Variants in ZNF846 observed in about 807,000 individuals in gnomAD.
The protein encoded by ZNF846 is zinc finger protein 420 pseudogene.
Under a neutral mutation model 16.0 loss-of-function variants are expected in ZNF846, and 15 were observed. The ratio of observed to expected loss-of-function variants is 0.94; its 90% CI spans 0.63 to 1.45. ZNF846 has a LOEUF of 1.45. ZNF846 is among the 40% of genes most tolerant of loss of function. ZNF846 has a pLI of 0.00. For missense variants in ZNF846, 714 were observed against 622.3 expected (o/e 1.15, Z -1.57); for synonymous variants, 229 against 212.0 (o/e 1.08, Z -0.70).
At chr19:9,766,595 T>C (rs1437153806) in intron 1 of ZNF846, among the ~76,000 whole-genome samples, 1 of 150,400 alleles carries the variant, frequency 6.6e-6, no homozygotes, top group African/African-American at 2.4e-5. Flanking sequence ...TTTTAAAATG[T>C]AGCTGGGCAT....
At chr19:9,759,096 C>G (rs2045181518) in intron 5 of ZNF846, among the ~76,000 whole-genome samples, 1 of 151,770 alleles carries the variant, frequency 6.6e-6, no homozygotes, top group African/African-American at 2.4e-5. Context: ...CCTCCCAGTT[C>G]AAGGGATTCT....
At chr19:9,761,710 CA>C (rs56126532) in intron 4 of ZNF846, among the ~76,000 whole-genome samples, 1,266 of 110,176 alleles carry the variant, frequency 0.011, 14 homozygotes, top group African/African-American at 0.035. Flanking sequence ...GACTCCATCT[CA>C]AAAAAAAAAA....
At chr19:9,764,686 G>T in intron 2 of ZNF846, 5 of 519,504 alleles carry the variant, frequency 9.6e-6, no homozygotes, top group Non-Finnish European at 1.7e-5. Context: ...TTCTCAACCT[G>T]CCAATCTGCC....
intron 1 of ZNF846, among the ~76,000 whole-genome samples, chr19:9,784,546 A>G (rs1214614771): frequency 1.3e-5 from 2 of 152,210 alleles, no homozygotes; most frequent in Non-Finnish European, 2.9e-5. Flanking sequence ...AGCAGGAGAC[A>G]GATGCTTTCC....
intron 1 of ZNF846, chr19:9,774,757 G>C: frequency 1.3e-6 from 2 of 1,568,320 alleles, no homozygotes; most frequent in South Asian, 1.1e-5. Context: ...AGGTCTGTCT[G>C]TCAGTAATTA....
intron 3 of ZNF846, 29 bp from the exon 4 acceptor site, chr19:9,762,197 G>A: frequency 6.4e-7 from 1 of 1,569,872 alleles, no homozygotes; most frequent in Non-Finnish European, 8.8e-7. Context: ...AAAAGAAGAG[G>A]CCCATGCAAG....
chr19:9,764,168 T>C (rs925940690), intron 2 of ZNF846, among the ~76,000 whole-genome samples: 2 of 152,214 alleles, frequency 1.3e-5, no homozygotes, highest in Admixed American at 1.3e-4. Context: ...CCTGTCCATA[T>C]GGATAAACGC....
chr19:9,759,806 G>T, intron 5 of ZNF846, 54 bp downstream of exon 5: 2 of 1,361,432 alleles, frequency 1.5e-6, no homozygotes, highest in Non-Finnish European at 2.1e-6. Context: ...TAATTTTCAT[G>T]AATATTGTGC....
At chr19:9,763,236 C>A in intron 3 of ZNF846, 46 bp downstream of exon 3, 1 of 1,489,074 alleles carries the variant, frequency 6.7e-7, no homozygotes, top group Non-Finnish European at 9.0e-7. Context: ...ATTTAAGAAA[C>A]ATTGATTTCC....
exon 6 of ZNF846, chr19:9,758,445 G>A: frequency 6.2e-7 from 1 of 1,613,332 alleles, no homozygotes; most frequent in Non-Finnish European, 8.5e-7. Flanking sequence ...CTTAAGGGAT[G>A]ACTGATTAAG....
chr19:9,782,286 G>A (rs895180594), intron 1 of ZNF846, among the ~76,000 whole-genome samples: 21 of 152,078 alleles, frequency 1.4e-4, no homozygotes, highest in Admixed American at 1.2e-3. Flanking sequence ...TTTTTTATTA[G>A]ACAGGGTCTC....
chr19:9,749,213 C>T (rs1027612002), downstream of ZNF846, among the ~76,000 whole-genome samples: 10 of 152,144 alleles, frequency 6.6e-5, no homozygotes, highest in Non-Finnish European at 1.3e-4. Flanking sequence ...ATAAACCTAA[C>T]ACATCCCTTC....
Position 9,762,187 on chromosome 19 carries a change from A to G in ZNF846, c.143-19T>C, listed in dbSNP as rs773291887. On this transcript the variant is annotated intron_variant, in intron 3 of 5. Coordinates refer to ENST00000397902, the Ensembl canonical transcript of ZNF846. ...GACCCTGCTGGAGGGAAAAATGCAC[A>G]AAAGAAGAGGCCCATGCAAGACATA... 2.2e-5 allele frequency: 35 copies of G among 1,601,300 alleles called. No homozygotes were observed. In the South Asian group the frequency reaches 3.6e-4, roughly 17 times the overall value.
chr19:9,785,703 T>G (rs191913048), intron 1 of ZNF846, among the ~76,000 whole-genome samples: 2,357 of 17,492 alleles, frequency 0.13, 257 homozygotes, highest in South Asian at 0.33. Context: ...CCCCCGTCTC[T>G]CCCTCACCCA....
At position 9,759,607 on chromosome 19, in the gene ZNF846, A is replaced by G. The variant is rs938180637; in HGVS notation, c.312+253T>C. Among the ~76,000 whole-genome samples the G allele has an allele frequency of 2.0e-5, 3 of 151,676 alleles. 1 individual carries two copies. The highest frequency in any genetic ancestry group is 7.3e-5 in the African/African-American group (3 of 40,964). On this transcript the variant is annotated intron_variant, in intron 5 of 5. Transcript: ENST00000397902. The stretch of plus-strand genomic sequence containing the variant: ...AACAGAGTAAGACCTTGTCTCAAAA[A>G]TAATAATAAAGTAAAAGAAATTATG...
At chr19:9,783,534 A>ATATAT (rs1239345823) in intron 1 of ZNF846, among the ~76,000 whole-genome samples, 9 of 112,872 alleles carry the variant, frequency 8.0e-5, no homozygotes, top group East Asian at 2.1e-4. Flanking sequence ...ACTAAAAAAA[A>ATATAT]AAAAAAAAAA....
At chr19:9,763,246 C>A in intron 3 of ZNF846, 36 bp downstream of exon 3, 1 of 1,511,638 alleles carries the variant, frequency 6.6e-7, no homozygotes, top group Non-Finnish European at 8.9e-7. Context: ...CATTGATTTC[C>A]TAAAGGGGTC....
chr19:9,763,287 A>G (rs201115574), exon 3 of ZNF846: 3 of 1,591,100 alleles, frequency 1.9e-6, no homozygotes, highest in East Asian at 2.3e-5. Context: ...TTTACCTAGT[A>G]TAATGAGATT....
At chr19:9,774,913 T>A (rs1216697115) in intron 1 of ZNF846, 2 of 1,609,584 alleles carry the variant, frequency 1.2e-6, no homozygotes, top group East Asian at 4.5e-5. Context: ...TCTGTAAGAA[T>A]GCTGAAGAGT....
Sources: allele counts gnomAD v4.1 joint callset (sites outside exome capture counted in the v4.1 genomes callset), GRCh38; gene constraint gnomAD v4.1.1; transcripts MANE v1.5; gene names NCBI Gene and HGNC (gene_info 2026-07-23, HGNC 2026-07-21).